The following ITPK1 variants were observed in gnomAD, a reference collection of about 807,000 sequenced individuals.
ITPK1 encodes inositol 1,3,4-trisphosphate 5/6-kinase.
In ITPK1, 21 loss-of-function variants were observed where a neutral mutation model predicts 45.3. That is an observed-to-expected ratio of 0.46 (90% CI 0.33 to 0.67). The LOEUF is 0.67. ITPK1 is among the 30% of genes least tolerant of loss of function. The probability of loss-of-function intolerance (pLI) is 0.02; values close to 1 mark genes in which losing one functional copy is unlikely to be tolerated. For synonymous variants in ITPK1, 258 were observed against 253.6 expected (o/e 1.02, Z -0.16); for missense variants, 474 against 573.5 (o/e 0.83, Z 1.77).
chr14:93,011,336 C>T (rs1051263331), intron 4 of ITPK1, among the ~76,000 whole-genome samples: 2 of 152,232 alleles, frequency 1.3e-5, no homozygotes, highest in African/African-American at 2.4e-5. Flanking sequence ...CCTCGCTTGG[C>T]GGACTAGCAG....
intron 2 of ITPK1, among the ~76,000 whole-genome samples, chr14:93,090,114 C>A (rs368249990): frequency 1.3e-5 from 2 of 152,072 alleles, no homozygotes; most frequent in African/African-American, 4.8e-5. Flanking sequence ...CCCAGACTCA[C>A]CCCCTGGGCT....
intron 2 of ITPK1, among the ~76,000 whole-genome samples, chr14:93,090,765 AT>A (rs538702999): frequency 4.6e-4 from 69 of 149,718 alleles, no homozygotes; most frequent in African/African-American, 1.4e-3. Flanking sequence ...CAAGAAATGT[AT>A]TTTTTTTTTC....
intron 3 of ITPK1, among the ~76,000 whole-genome samples, chr14:93,067,190 G>C (rs751161266): frequency 2.6e-5 from 4 of 151,878 alleles, no homozygotes; most frequent in Non-Finnish European, 5.9e-5. Flanking sequence ...TTGCTTTTAC[G>C]TAAAATGCTT....
At chr14:93,100,243 TG>T (rs1212548803) in intron 2 of ITPK1, among the ~76,000 whole-genome samples, 5 of 152,102 alleles carry the variant, frequency 3.3e-5, no homozygotes, top group African/African-American at 9.7e-5. Flanking sequence ...GCATGAGGGA[TG>T]GGGGACCCTG....
chr14:93,004,013 A>G (rs901196697), intron 4 of ITPK1, among the ~76,000 whole-genome samples: 2 of 152,264 alleles, frequency 1.3e-5, no homozygotes, highest in Non-Finnish European at 2.9e-5. Context: ...GAACAAACCA[A>G]AAACAGAGCT....
Position 92,941,488 on chromosome 14 carries a change from C to T in ITPK1, c.*73G>A, listed in dbSNP as rs145017721. ...CACTGGGGATTCTTAGTAGTAGCAT[C>T]GCCGTTGGGAGCTGCTGGCCCAGCG... On this transcript the variant is annotated 3_prime_UTR_variant, in exon 11 of 11. Coordinates refer to ENST00000267615, the MANE Select transcript of ITPK1 (RefSeq NM_014216.6). The T allele has an allele frequency of 7.3e-3, 10,586 of 1,445,556 alleles. 58 individuals carry two copies. Among genetic ancestry groups the T allele is most frequent in the Middle Eastern group, 0.018 (70 of 3,950 alleles). 89.5% of individuals were successfully genotyped at this position (1,445,556 alleles called of 1,614,324 possible).
At chr14:92,987,844 G>T (rs912864631) in intron 5 of ITPK1, among the ~76,000 whole-genome samples, 3 of 152,166 alleles carry the variant, frequency 2.0e-5, no homozygotes, top group African/African-American at 7.2e-5. Flanking sequence ...CCGGACTGGG[G>T]GAGGGCACTG....
At chr14:93,084,721 C>T (rs117478663) in intron 2 of ITPK1, among the ~76,000 whole-genome samples, 1,709 of 152,294 alleles carry the variant, frequency 0.011, 20 homozygotes, top group South Asian at 0.019. Context: ...TCAGAAGACA[C>T]GAGGGGGAGG....
intron 3 of ITPK1, among the ~76,000 whole-genome samples, chr14:93,056,136 G>A (rs2139939032): frequency 6.6e-6 from 1 of 152,346 alleles, no homozygotes; most frequent in South Asian, 2.1e-4. Flanking sequence ...GAAGGCTGGG[G>A]TGACTGTGTG....
In ITPK1 at chr14:93,016,407, G is replaced by A. The variant is rs935180204; in HGVS notation, c.246+269C>T. Among the ~76,000 whole-genome samples, 3 of 152,078 alleles carry A rather than the reference G, an allele frequency of 2.0e-5. No homozygotes were observed. Among genetic ancestry groups the A allele is most frequent in the Non-Finnish European group, 4.4e-5 (3 of 68,008 alleles). The stretch of plus-strand genomic sequence containing the variant: ...CGTGGAGGCCACACTGGAACTCAGC[G>A]ATGCCTCATCAGTAAACCGTGTCTA... On this transcript the variant is annotated intron_variant, in intron 4 of 10. Coordinates refer to ENST00000267615, the MANE Select transcript of ITPK1 (RefSeq NM_014216.6). The surrounding 1 kb of genome is among the most constrained non-coding windows in gnomAD (Gnocchi z 5.0).
At chr14:93,002,297 C>T (rs542084988) in intron 4 of ITPK1, among the ~76,000 whole-genome samples, 76 of 152,234 alleles carry the variant, frequency 5.0e-4, no homozygotes, top group Non-Finnish European at 8.5e-4. Context: ...GCAGTAATCA[C>T]GACATTGCAC....
At chr14:92,954,447 G>A (rs1464497999) in intron 8 of ITPK1, among the ~76,000 whole-genome samples, 1 of 152,190 alleles carries the variant, frequency 6.6e-6, no homozygotes, top group Non-Finnish European at 1.5e-5. Flanking sequence ...CCAGGGCGTT[G>A]CTCCCAGCAT....
chr14:93,055,717 C>T (rs1193329480), intron 3 of ITPK1, among the ~76,000 whole-genome samples: 3 of 152,202 alleles, frequency 2.0e-5, no homozygotes, highest in Admixed American at 2.0e-4. Context: ...CATCCTTATC[C>T]GGTCCTAGCC....
At position 93,087,746 on chromosome 14, in the gene ITPK1, T is replaced by G. The variant is rs139800831; in HGVS notation, c.96-11127A>C. Among the ~76,000 whole-genome samples, 463 of 152,300 alleles carry G rather than the reference T, an allele frequency of 3.0e-3. 1 individual carries two copies. The highest frequency in any genetic ancestry group is 4.6e-3 in the Non-Finnish European group (315 of 68,022). The stretch of plus-strand genomic sequence containing the variant: ...CATTCATGTGTCAGGCAGGAATGAA[T>G]GAGGACCTGTCAGGAGTTTGTAGGG... On this transcript the variant is annotated intron_variant, in intron 2 of 10. Coordinates refer to ENST00000267615, the MANE Select transcript of ITPK1 (RefSeq NM_014216.6).
intron 2 of ITPK1, among the ~76,000 whole-genome samples, chr14:93,108,030 G>C (rs913655466): frequency 6.6e-6 from 1 of 152,180 alleles, no homozygotes; most frequent in African/African-American, 2.4e-5. Flanking sequence ...GGCTTGGAGC[G>C]AGGCAAGTTC....
intron 3 of ITPK1, among the ~76,000 whole-genome samples, chr14:93,073,439 G>A (rs116901812): frequency 6.6e-5 from 10 of 152,274 alleles, no homozygotes; most frequent in East Asian, 1.9e-4. Flanking sequence ...CACCCACCTC[G>A]GGAAGGTTAC....
At chr14:92,954,531 C>T (rs1454035111) in intron 8 of ITPK1, among the ~76,000 whole-genome samples, 2 of 152,248 alleles carry the variant, frequency 1.3e-5, no homozygotes, top group East Asian at 3.9e-4. Flanking sequence ...TGGACTAGCC[C>T]AATAGCACCA....
rs1190077528 is a variant in ITPK1 at position 92,954,761 on chromosome 14, C to T, written c.671-2748G>A. 3.3e-5 allele frequency among the ~76,000 whole-genome samples: 5 copies of T among 152,114 alleles called. 1 individual carries two copies. In the South Asian group the frequency reaches 6.2e-4, roughly 19 times the overall value. ...CATCTCCTCTCTCTCTCTTGGGAGG[C>T]GAAGGGGATGGGGAGAATGTGTCCT... On this transcript the variant is annotated intron_variant, in intron 8 of 10. Coordinates refer to ENST00000267615, the MANE Select transcript of ITPK1 (RefSeq NM_014216.6).
chr14:93,115,211 G>T lies in ITPK1; in HGVS notation c.-48C>A. On this transcript the variant is annotated 5_prime_UTR_variant, in exon 2 of 11. Transcript: ENST00000267615. The stretch of plus-strand genomic sequence containing the variant: ...TGGGTCCGGAGGAAATCGCCCACAG[G>T]CCGAGTCTGGCGGCCGGCGCGCGCC... The T allele has an allele frequency of 7.3e-7, 1 of 1,370,364 alleles. No individual in the cohort carries two copies. The highest frequency in any genetic ancestry group is 1.0e-6 in the Non-Finnish European group (1 of 982,170). 84.9% of individuals were successfully genotyped at this position (1,370,364 alleles called of 1,614,324 possible). A position where few individuals can be genotyped will look rare whatever the true frequency, so the allele number is the denominator to read the frequency against.
Sources: allele counts gnomAD v4.1 joint callset (sites outside exome capture counted in the v4.1 genomes callset), GRCh38; gene constraint gnomAD v4.1.1; non-coding constraint Gnocchi (gnomAD v3.1); transcripts MANE v1.5; gene names NCBI Gene and HGNC (gene_info 2026-07-23, HGNC 2026-07-21).